FBXO36: variants seen among roughly 807,000 people sequenced by gnomAD.
FBXO36 encodes the protein F-box protein 36, also known as F-box only protein 36.
FBXO36 carries 18 observed loss-of-function variants against 17.0 expected under a neutral mutation model. The ratio of observed to expected loss-of-function variants is 1.06; its 90% CI spans 0.73 to 1.57. The LOEUF (loss-of-function observed/expected upper bound fraction) is 1.57. FBXO36 is among the 40% of genes most tolerant of loss of function. The pLI is 0.00. For synonymous variants in FBXO36, 83 were observed against 85.3 expected (o/e 0.97, Z 0.15); for missense variants, 229 against 221.9 (o/e 1.03, Z -0.20).
Position 229,922,538 on chromosome 2 carries a change from C to G in FBXO36, c.25C>G (p.Leu9Val). The stretch of plus-strand genomic sequence containing the variant: ...GATGGCGTCGTGGCTGCCGGAGACT[C>G]TCTTTGAAACTGTAGGACAAGGCCC... Reference protein sequence around the residue: MASWLPETLFETVGQGPPP... With the variant: MASWLPETVFETVGQGPPP... Residue 9 changes from leucine (L) to valine (V), a missense_variant, in exon 1 of 4, where the codon CTC (leucine) becomes GTC (valine). Physicochemically the swap from Leu to Val is conservative, Grantham distance 32. Transcript: ENST00000283946. 6.2e-7 allele frequency: 1 copy of G among 1,613,982 alleles called. No individual in the cohort carries two copies. Among genetic ancestry groups the G allele is most frequent in the African/African-American group, 1.3e-5 (1 of 75,052 alleles).
intron 3 of FBXO36, among the ~76,000 whole-genome samples, chr2:230,007,619 TG>T (rs1465257785): frequency 6.6e-6 from 1 of 152,022 alleles, no homozygotes; most frequent in East Asian, 1.9e-4. Flanking sequence ...TTTTTTTTTT[TG>T]TTACAGAGTC....
intron 1 of FBXO36, among the ~76,000 whole-genome samples, chr2:229,924,593 C>T (rs1577322112): frequency 6.6e-6 from 1 of 152,128 alleles, no homozygotes; most frequent in East Asian, 1.9e-4. Context: ...AAGTATGCTT[C>T]ATTTCTCTCA....
intron 1 of FBXO36, among the ~76,000 whole-genome samples, chr2:229,936,197 A>G (rs2076963014): frequency 6.6e-6 from 1 of 151,980 alleles, no homozygotes; most frequent in African/African-American, 2.4e-5. Flanking sequence ...AAAAACAAAC[A>G]AACAAACAAA....
intron 3 of FBXO36, among the ~76,000 whole-genome samples, chr2:230,007,771 A>G (rs568813959): frequency 7.2e-5 from 11 of 151,978 alleles, no homozygotes; most frequent in African/African-American, 2.7e-4. Flanking sequence ...TAATTTTTGT[A>G]TTTTAGTAGA....
chr2:229,948,411 T>C (rs1288795820), intron 1 of FBXO36, among the ~76,000 whole-genome samples: 3 of 152,024 alleles, frequency 2.0e-5, no homozygotes, highest in Admixed American at 2.0e-4. Flanking sequence ...GAGTGTAAAT[T>C]AGTACATTCT....
At chr2:229,943,126 G>A (rs2077008629) in intron 1 of FBXO36, 2 of 152,278 alleles carry the variant, frequency 1.3e-5, no homozygotes, top group South Asian at 4.1e-4. Flanking sequence ...GGGTCCAGCA[G>A]TCATGCTGTC....
chr2:229,986,781 C>T (rs1274523360), intron 2 of FBXO36, among the ~76,000 whole-genome samples: 2 of 151,740 alleles, frequency 1.3e-5, no homozygotes, highest in Non-Finnish European at 2.9e-5. Context: ...GTGATCCACC[C>T]ACCTCAGCCT....
chr2:229,972,576 A>G (rs936646640), intron 1 of FBXO36, among the ~76,000 whole-genome samples: 5 of 151,856 alleles, frequency 3.3e-5, no homozygotes, highest in African/African-American at 7.3e-5. Context: ...ACCTGCCCCT[A>G]TGGAGCATAC....
At chr2:229,985,282 T>A (rs1054311494) in intron 2 of FBXO36, among the ~76,000 whole-genome samples, 11 of 152,192 alleles carry the variant, frequency 7.2e-5, no homozygotes, top group Non-Finnish European at 8.8e-5. Context: ...AAAATACCAG[T>A]TACTTTCTTA....
Position 229,926,512 on chromosome 2 carries a change from G to A in FBXO36, c.96+3903G>A, listed in dbSNP as rs376002612. ...TGTAATTCCAGCATTTTGGGAGCCT[G>A]ACGGGTGGATCACTTGAGGTCAGGA... is the stretch of plus-strand genomic sequence containing the variant. On this transcript the variant is annotated intron_variant, in intron 1 of 3. Transcript: ENST00000283946. Among the ~76,000 whole-genome samples, 70 of 151,478 alleles carry A rather than the reference G, an allele frequency of 4.6e-4. 3 individuals are homozygous for A. In the South Asian group the frequency reaches 0.015, roughly 32 times the overall value.
chr2:229,933,223 A>G (rs2076948228), intron 1 of FBXO36, among the ~76,000 whole-genome samples: 1 of 152,100 alleles, frequency 6.6e-6, no homozygotes, highest in South Asian at 2.1e-4. Flanking sequence ...TGAAACCTCT[A>G]CTAAAAATAC....
intron 3 of FBXO36, among the ~76,000 whole-genome samples, chr2:230,010,216 G>A (rs2077408133): frequency 6.6e-6 from 1 of 152,176 alleles, no homozygotes; most frequent in African/African-American, 2.4e-5. Context: ...AGCCGAGATT[G>A]CGCCATTGCA....
At chr2:229,979,229 G>T (rs996564939) in intron 2 of FBXO36, among the ~76,000 whole-genome samples, 2 of 151,698 alleles carry the variant, frequency 1.3e-5, no homozygotes, top group African/African-American at 4.8e-5. Flanking sequence ...CAGGTGTGGT[G>T]GTTCACACTT....
At chr2:230,004,351 G>A (rs1190595374) in intron 3 of FBXO36, among the ~76,000 whole-genome samples, 3 of 152,216 alleles carry the variant, frequency 2.0e-5, no homozygotes, top group East Asian at 3.9e-4. Context: ...CCCAGAAAAC[G>A]GTGGTTGAAT....
chr2:229,952,826 G>A, intron 1 of FBXO36, among the ~76,000 whole-genome samples: 1 of 152,190 alleles, frequency 6.6e-6, no homozygotes, highest in East Asian at 1.9e-4. Context: ...ACTACAGATG[G>A]GATGGACGCC....
intron 2 of FBXO36, among the ~76,000 whole-genome samples, chr2:229,977,607 C>T (rs1422418742): frequency 1.3e-5 from 2 of 151,966 alleles, no homozygotes; most frequent in Admixed American, 6.6e-5. Context: ...TACACCACCA[C>T]GCCAGGCTAA....
chr2:229,967,706 C>T (rs1362925559), intron 1 of FBXO36, among the ~76,000 whole-genome samples: 3 of 152,126 alleles, frequency 2.0e-5, no homozygotes, highest in African/African-American at 7.2e-5. Context: ...GTTAAATCAG[C>T]CTTGCATCCC....
chr2:229,984,340 C>G (rs549512828), intron 2 of FBXO36, among the ~76,000 whole-genome samples: 2 of 151,518 alleles, frequency 1.3e-5, no homozygotes, highest in Non-Finnish European at 2.9e-5. Context: ...GAGCAAGACT[C>G]TATCTCAAAA....
intron 1 of FBXO36, among the ~76,000 whole-genome samples, chr2:229,968,874 A>G (rs1369559381): frequency 6.6e-6 from 1 of 151,852 alleles, no homozygotes. Flanking sequence ...CCCAGGTTCA[A>G]GTGATTCTTA....
Sources: allele counts gnomAD v4.1 joint callset (sites outside exome capture counted in the v4.1 genomes callset), GRCh38; gene constraint gnomAD v4.1.1; transcripts MANE v1.5; gene names NCBI Gene and HGNC (gene_info 2026-07-23, HGNC 2026-07-21).